TMEM245: variants seen among roughly 807,000 people sequenced by gnomAD.
TMEM245 encodes the protein protein CG-2.
TMEM245 carries 69 observed loss-of-function variants against 101.2 expected under a neutral mutation model. The observed-to-expected ratio is 0.68, with a 90% confidence interval of 0.56 to 0.83. The LOEUF (loss-of-function observed/expected upper bound fraction) is 0.83, where lower values mean the gene tolerates loss of function less well. Among genes scored for constraint, TMEM245 ranks in the 40% least tolerant of loss-of-function variants. The probability of loss-of-function intolerance (pLI) is 0.00; values close to 1 mark genes in which losing one functional copy is unlikely to be tolerated. For synonymous variants in TMEM245, 537 were observed against 449.8 expected, an observed-to-expected ratio of 1.19 and a Z score of -2.45; for missense variants, 1,075 against 1,092.8, an observed-to-expected ratio of 0.98 and a Z score of 0.23.
Position 109,081,082 on chromosome 9 carries a change from C to T in TMEM245, c.1345-139G>A. On this transcript the variant is annotated intron_variant, in intron 7 of 17. Transcript: ENST00000374586. ...GGCATAATAATTAAAGCAATAAAAG[C>T]TTTAAGCAACTTTAAAAACTTCACA... The T allele has an allele frequency of 5.0e-6, 3 of 594,128 alleles. No individual in the cohort carries two copies. In the African/African-American group the frequency reaches 5.6e-5, roughly 11 times the overall value. The allele number at this position is 594,128 out of a possible 1,614,324, so 36.8% of individuals were successfully genotyped here. A position where few individuals can be genotyped will look rare whatever the true frequency, so the allele number is the denominator to read the frequency against.
intron 1 of TMEM245, among the ~76,000 whole-genome samples, chr9:109,113,430 A>G (rs1383680206): frequency 2.0e-5 from 3 of 152,230 alleles, no homozygotes; most frequent in Admixed American, 6.5e-5. Flanking sequence ...ATAAGAGGGC[A>G]TATTTTTCCA....
At chr9:109,085,747 A>G (rs1829811800) in intron 7 of TMEM245, among the ~76,000 whole-genome samples, 1 of 152,248 alleles carries the variant, frequency 6.6e-6, no homozygotes. Flanking sequence ...GGACAAAAGG[A>G]CTATGAGACA....
intron 1 of TMEM245, among the ~76,000 whole-genome samples, chr9:109,115,204 G>A (rs1482957310): frequency 6.6e-6 from 1 of 152,008 alleles, no homozygotes; most frequent in African/African-American, 2.4e-5. Flanking sequence ...ACAAAAATTA[G>A]CCGGGCGTGG....
intron 5 of TMEM245, 110 bp from the exon 6 acceptor site, chr9:109,087,452 TAAA>T: frequency 9.2e-7 from 1 of 1,084,896 alleles, no homozygotes; most frequent in Non-Finnish European, 1.3e-6. Flanking sequence ...AAGCTAGTAT[TAAA>T]AAGAAGATCA....
At chr9:109,053,268 T>C (rs1056040433) in intron 12 of TMEM245, among the ~76,000 whole-genome samples, 2 of 151,994 alleles carry the variant, frequency 1.3e-5, no homozygotes, top group Non-Finnish European at 2.9e-5. Context: ...TCTACTAACA[T>C]ACAAAAAAAT....
chr9:109,056,440 CAAAAAAAAA>C (rs753175633), intron 12 of TMEM245, among the ~76,000 whole-genome samples: 15 of 36,764 alleles, frequency 4.1e-4, no homozygotes, highest in African/African-American at 1.1e-3. Flanking sequence ...ACTAAAAATG[CAAAAAAAAA>C]AAAAAAAAAA....
At chr9:109,072,323 C>T (rs956009239) in intron 9 of TMEM245, among the ~76,000 whole-genome samples, 6 of 152,176 alleles carry the variant, frequency 3.9e-5, no homozygotes, top group Admixed American at 2.0e-4. Context: ...AGCTACTCTC[C>T]AACAAGTTAA....
chr9:109,040,506 A>C (rs1273186460), intron 14 of TMEM245, among the ~76,000 whole-genome samples: 4 of 152,148 alleles, frequency 2.6e-5, no homozygotes, highest in Admixed American at 1.3e-4. Flanking sequence ...AACCCTCCCT[A>C]AACTCTGGCC....
chr9:109,099,510 T>C (rs907796370), intron 3 of TMEM245, among the ~76,000 whole-genome samples: 3 of 152,248 alleles, frequency 2.0e-5, no homozygotes, highest in Admixed American at 6.5e-5. Context: ...CAGGCTATTA[T>C]AGATATATCT....
chr9:109,026,562 C>T (rs901905355), intron 17 of TMEM245, among the ~76,000 whole-genome samples: 1 of 149,788 alleles, frequency 6.7e-6, no homozygotes, highest in African/African-American at 2.5e-5. Flanking sequence ...GCACCTCGGA[C>T]AGCAAAGGCC....
chr9:109,039,805 GT>G (rs778212469), intron 14 of TMEM245, among the ~76,000 whole-genome samples: 23 of 152,108 alleles, frequency 1.5e-4, no homozygotes, highest in Non-Finnish European at 2.5e-4. Context: ...GAGAAGGTAG[GT>G]TTTGAGGGGG....
intron 4 of TMEM245, 48 bp downstream of exon 4, chr9:109,093,427 C>T (rs756769965): frequency 2.0e-5 from 30 of 1,496,320 alleles, no homozygotes; most frequent in Non-Finnish European, 2.7e-5. Context: ...TTTCTATGTA[C>T]ATTTCATTTT....
At chr9:109,052,364 G>A (rs992265009) in intron 12 of TMEM245, among the ~76,000 whole-genome samples, 1 of 152,240 alleles carries the variant, frequency 6.6e-6, no homozygotes. Context: ...CACAAAGCTA[G>A]TAAGTGGAAC....
intron 17 of TMEM245, 92 bp downstream of exon 17, chr9:109,033,214 TC>T: frequency 1.5e-6 from 2 of 1,331,832 alleles, no homozygotes; most frequent in South Asian, 3.5e-5. Flanking sequence ...AATACCTTTA[TC>T]CTGACAAGTC....
At chr9:109,043,147 T>G (rs963711764) in intron 14 of TMEM245, among the ~76,000 whole-genome samples, 4 of 152,206 alleles carry the variant, frequency 2.6e-5, no homozygotes, top group African/African-American at 9.7e-5. Flanking sequence ...TAGGAATAAT[T>G]TACTCCCAAA....
At chr9:109,048,852 G>A (rs945801644) in intron 14 of TMEM245, among the ~76,000 whole-genome samples, 6 of 152,162 alleles carry the variant, frequency 3.9e-5, no homozygotes, top group East Asian at 1.9e-4. Flanking sequence ...AAGTCATAAC[G>A]AAAAAGTTTC....
chr9:109,075,878 T>C (rs1829484174), intron 8 of TMEM245, among the ~76,000 whole-genome samples: 1 of 152,196 alleles, frequency 6.6e-6, no homozygotes, highest in Non-Finnish European at 1.5e-5. Flanking sequence ...TTTCCTTCCT[T>C]TCATTTACTT....
At position 109,018,863 on chromosome 9, in the gene TMEM245, G is replaced by C. The variant is rs1279574738; in HGVS notation, c.*1597C>G. 1 of 147,698 alleles carries C rather than the reference G, an allele frequency of 6.8e-6. No individual in the cohort carries two copies. Among genetic ancestry groups the C allele is most frequent in the African/African-American group, 2.5e-5 (1 of 39,720 alleles). 9.1% of individuals were successfully genotyped at this position (147,698 alleles called of 1,614,324 possible). A position where few individuals can be genotyped will look rare whatever the true frequency, so the allele number is the denominator to read the frequency against. On this transcript the variant is annotated 3_prime_UTR_variant, in exon 18 of 18. Coordinates refer to ENST00000374586, the MANE Select transcript of TMEM245 (RefSeq NM_032012.4). ...TGATCCTCATACATCAGCCTCCTGA[G>C]TAGCTCAGACTATAGCCACACCACC...
At chr9:109,085,267 G>A (rs1829797616) in intron 7 of TMEM245, among the ~76,000 whole-genome samples, 1 of 152,164 alleles carries the variant, frequency 6.6e-6, no homozygotes, top group Non-Finnish European at 1.5e-5. Flanking sequence ...CACAAGGCCT[G>A]GCTATTTAAT....
Sources: allele counts gnomAD v4.1 joint callset (sites outside exome capture counted in the v4.1 genomes callset), GRCh38; gene constraint gnomAD v4.1.1; transcripts MANE v1.5; gene names NCBI Gene and HGNC (gene_info 2026-07-23, HGNC 2026-07-21).